Variants in TRABD2B observed in about 807,000 individuals in gnomAD.
The protein encoded by TRABD2B is metalloprotease TIKI2.
TRABD2B carries 14 observed loss-of-function variants against 40.1 expected under a neutral mutation model. The observed-to-expected ratio is 0.35, with a 90% confidence interval of 0.23 to 0.55. TRABD2B has a LOEUF of 0.55. Ranked by LOEUF, TRABD2B falls within the 20% of genes least tolerant of loss-of-function variation. The probability of loss-of-function intolerance (pLI) is 0.90; values close to 1 mark genes in which losing one functional copy is unlikely to be tolerated. For missense variants in TRABD2B, 541 were observed against 648.6 expected (o/e 0.83, Z 1.80); for synonymous variants, 263 against 277.0 (o/e 0.95, Z 0.50).
At chr1:47,769,606 C>T (rs1644352727) in intron 6 of TRABD2B, among the ~76,000 whole-genome samples, 1 of 152,184 alleles carries the variant, frequency 6.6e-6, no homozygotes, top group African/African-American at 2.4e-5. Flanking sequence ...GTCCAGATCC[C>T]CACCCCTTCC....
chr1:47,835,493 T>C (rs1339402750), intron 2 of TRABD2B, among the ~76,000 whole-genome samples: 2 of 152,150 alleles, frequency 1.3e-5, no homozygotes, highest in Non-Finnish European at 2.9e-5. Context: ...ATAATCAAGC[T>C]GTCAAAAGCC....
At chr1:47,956,568 TG>T (rs770202997) in intron 2 of TRABD2B, among the ~76,000 whole-genome samples, 15 of 152,222 alleles carry the variant, frequency 9.9e-5, no homozygotes, top group Non-Finnish European at 2.1e-4. Context: ...ATCCCATGCC[TG>T]GCTCAGAGGG....
At chr1:47,834,427 GA>G (rs1645290710) in intron 2 of TRABD2B, among the ~76,000 whole-genome samples, 4 of 152,192 alleles carry the variant, frequency 2.6e-5, no homozygotes, top group Admixed American at 2.6e-4. Context: ...TAAATGCCCA[GA>G]GCTATGTACA....
At chr1:47,922,556 G>C (rs1644916536) in intron 2 of TRABD2B, among the ~76,000 whole-genome samples, 1 of 152,236 alleles carries the variant, frequency 6.6e-6, no homozygotes, top group Non-Finnish European at 1.5e-5. Context: ...GGCTTCGCCT[G>C]CCACTGGCTG....
chr1:47,815,404 A>G (rs1645017991), intron 2 of TRABD2B, among the ~76,000 whole-genome samples: 1 of 152,198 alleles, frequency 6.6e-6, no homozygotes, highest in Admixed American at 6.5e-5. Context: ...GTCTGCTTCC[A>G]GGATCCACCT....
At chr1:47,930,558 G>A (rs1414547073) in intron 2 of TRABD2B, among the ~76,000 whole-genome samples, 1 of 152,186 alleles carries the variant, frequency 6.6e-6, no homozygotes, top group Non-Finnish European at 1.5e-5. Flanking sequence ...GGCTTCAAAG[G>A]ACAGCAGGAG....
At chr1:47,848,408 G>T (rs1645501581) in intron 2 of TRABD2B, among the ~76,000 whole-genome samples, 1 of 152,166 alleles carries the variant, frequency 6.6e-6, no homozygotes, top group South Asian at 2.1e-4. Context: ...CCAGGATCAG[G>T]GCTCAGGCTA....
At chr1:47,904,909 A>G (rs560331826) in intron 2 of TRABD2B, among the ~76,000 whole-genome samples, 1 of 152,346 alleles carries the variant, frequency 6.6e-6, no homozygotes, top group South Asian at 2.1e-4. Flanking sequence ...AATCACTTAA[A>G]TTATATTCAG....
At chr1:47,805,596 T>C (rs939736689) in intron 2 of TRABD2B, among the ~76,000 whole-genome samples, 10 of 152,192 alleles carry the variant, frequency 6.6e-5, no homozygotes, top group African/African-American at 2.2e-4. Context: ...CAGGAAGCAC[T>C]GCAAGAAGAG....
At chr1:47,820,994 C>T (rs895592335) in intron 2 of TRABD2B, among the ~76,000 whole-genome samples, 3 of 152,188 alleles carry the variant, frequency 2.0e-5, no homozygotes, top group Non-Finnish European at 4.4e-5. Flanking sequence ...GGACACCCAC[C>T]GTCCTTGCAT....
intron 2 of TRABD2B, among the ~76,000 whole-genome samples, chr1:47,909,465 AAGGGGAAGGAGAAGGAGAAGGAGAAGG>A (rs1170372407): frequency 4.7e-5 from 6 of 128,350 alleles, no homozygotes; most frequent in African/African-American, 1.8e-4. Context: ...GGAGAAGGAG[AAGGGGAAGGAGAAGGAGAAGGAGAAGG>A]AGGAGAAGGA....
intron 2 of TRABD2B, among the ~76,000 whole-genome samples, chr1:47,810,483 A>C (rs1347392926): frequency 2.0e-5 from 3 of 152,176 alleles, no homozygotes; most frequent in Non-Finnish European, 4.4e-5. Flanking sequence ...CTGAGAGAAG[A>C]GGGAACAGGC....
chr1:47,903,284 C>G (rs1424114153), intron 2 of TRABD2B, among the ~76,000 whole-genome samples: 2 of 152,168 alleles, frequency 1.3e-5, no homozygotes, highest in Admixed American at 1.3e-4. Context: ...CACCCTACGT[C>G]AGGGGGCTTC....
At chr1:47,947,853 G>C (rs1429226264) in intron 2 of TRABD2B, among the ~76,000 whole-genome samples, 1 of 152,160 alleles carries the variant, frequency 6.6e-6, no homozygotes, top group East Asian at 1.9e-4. Flanking sequence ...AGGAAACCGA[G>C]GCTCAGAGGG....
intron 2 of TRABD2B, among the ~76,000 whole-genome samples, chr1:47,979,170 CTAGAAA>C (rs2148439017): frequency 6.6e-6 from 1 of 152,014 alleles, no homozygotes; most frequent in South Asian, 2.1e-4. Context: ...AACCAAACAT[CTAGAAA>C]TGTGGGAACA....
chr1:47,794,851 G>A (rs1434923599), intron 3 of TRABD2B, 91 bp from the exon 4 acceptor site: 1 of 1,255,234 alleles, frequency 8.0e-7, no homozygotes, highest in African/African-American at 1.6e-5. Context: ...GGAGTGCAGT[G>A]GCTCACTGCA....
chr1:47,766,152 T>A, intron 6 of TRABD2B, 46 bp from the exon 7 acceptor site: 1 of 699,754 alleles, frequency 1.4e-6, no homozygotes, highest in East Asian at 2.7e-5. Context: ...GGCAGCCTCG[T>A]CCTGGGCAGA....
chr1:47,906,588 A>G (rs1188795609), intron 2 of TRABD2B, among the ~76,000 whole-genome samples: 1 of 152,128 alleles, frequency 6.6e-6, no homozygotes, highest in Non-Finnish European at 1.5e-5. Flanking sequence ...TCCCCATGGG[A>G]TGAGACTGAT....
chr1:47,995,002 C>A (rs1419493589), intron 1 of TRABD2B, among the ~76,000 whole-genome samples: 1 of 152,160 alleles, frequency 6.6e-6, no homozygotes, highest in Non-Finnish European at 1.5e-5. Context: ...TGCCACACCA[C>A]CTGAGAATAT....
Sources: allele counts gnomAD v4.1 joint callset (sites outside exome capture counted in the v4.1 genomes callset), GRCh38; gene constraint gnomAD v4.1.1; transcripts MANE v1.5; gene names NCBI Gene and HGNC (gene_info 2026-07-23, HGNC 2026-07-21).